COG3: variants seen among roughly 807,000 people sequenced by gnomAD.
The protein encoded by COG3 is component of oligomeric golgi complex 3, also known as conserved oligomeric Golgi complex subunit 3.
Under a neutral mutation model 114.1 loss-of-function variants are expected in COG3, and 32 were observed. The observed-to-expected ratio is 0.28, with a 90% CI of 0.21 to 0.38. The LOEUF (loss-of-function observed/expected upper bound fraction) is 0.38. Ranked by LOEUF, COG3 falls within the 10% of genes least tolerant of loss-of-function variation. The probability of loss-of-function intolerance (pLI) is 1.00; values close to 1 mark genes in which losing one functional copy is unlikely to be tolerated. For synonymous variants in COG3, 352 were observed against 365.7 expected, an observed-to-expected ratio of 0.96 and a Z score of 0.43; for missense variants, 813 against 973.2, an observed-to-expected ratio of 0.84 and a Z score of 2.19.
rs115348011 is a variant in COG3, at chr13:45,507,091, C to T, written c.1595-2601C>T. Among the ~76,000 whole-genome samples, 1,370 of 152,202 alleles carry T rather than the reference C, an allele frequency of 9.0e-3. 21 individuals carry two copies. The highest frequency in any genetic ancestry group is 0.031 in the African/African-American group (1,269 of 41,518). ...GCACTTGGCTTTTGAGGGTTTGCCC[C>T]GGTGAACTAGTATTAGTTACATAGG... On this transcript the variant is annotated intron_variant, in intron 14 of 22. Coordinates refer to ENST00000349995, the MANE Select transcript of COG3 (RefSeq NM_031431.4).
At chr13:45,523,039 T>G (rs886549675) in intron 19 of COG3, among the ~76,000 whole-genome samples, 2 of 152,226 alleles carry the variant, frequency 1.3e-5, no homozygotes, top group African/African-American at 4.8e-5. Context: ...AAATGTTATT[T>G]TGTAGTACAG....
Position 45,518,800 on chromosome 13 carries a change from A to G in COG3, c.1969A>G (p.Arg657Gly). The change falls in exon 18 of 23, where the codon AGA (arginine) becomes GGA (glycine). Residue 657 changes from arginine to glycine, a missense_variant. Transcript: ENST00000349995. ...AATCCTGAACCCTATGACTGTCCCA[A>G]GATTTTTTAGGCTGAATAGCAACAA... ...FKILNPMTVP[R>G]FFRLNSNNAL... 2 of 1,614,090 alleles carry G rather than the reference A, an allele frequency of 1.2e-6. No homozygotes were observed. The highest frequency in any genetic ancestry group is 1.7e-6 in the Non-Finnish European group (2 of 1,179,970).
Position 45,493,399 on chromosome 13 carries a change from A to G in COG3, c.1240A>G (p.Ile414Val). Residue 414 changes from isoleucine to valine, a missense_variant, in exon 12 of 23, where the codon ATC (isoleucine) becomes GTC (valine). Ile to Val is a conservative substitution (Grantham distance 29, BLOSUM62 3). Transcript: ENST00000349995. ...VSLYDVFRPL[I>V]IHVIHLETLS... ...ATTGTATGATGTCTTCAGGCCATTG[A>G]TCATTCATGTTATTCACTTAGAGAC... The G allele has an allele frequency of 6.2e-7, 1 of 1,613,470 alleles. No homozygotes were observed. The highest frequency in any genetic ancestry group is 1.1e-5 in the South Asian group (1 of 91,048).
Position 45,492,239 on chromosome 13 carries a change from A to G in COG3, c.1176A>G (p.Thr392=). The G allele has an allele frequency of 6.2e-7, 1 of 1,600,704 alleles. No individual in the cohort carries two copies. The highest frequency in any genetic ancestry group is 1.1e-5 in the South Asian group (1 of 89,926). ...ACAATGAATTTTTCACAAAACCAACATCAAAATTAGAGTAGGTGGACATGG... is the reference window on the plus strand; with the variant it reads ...ACAATGAATTTTTCACAAAACCAACGTCAAAATTAGAGTAGGTGGACATGG... ...QLYNEFFTKP[T]SKLDELLEKL... is the part of the protein sequence containing the mutation. The change falls in exon 11 of 23, where the codon ACA becomes ACG. Residue 392 remains threonine, a synonymous_variant. Coordinates refer to ENST00000349995, the MANE Select transcript of COG3 (RefSeq NM_031431.4).
chr13:45,485,241 C>A (rs1229618871), intron 7 of COG3, among the ~76,000 whole-genome samples: 1 of 98,982 alleles, frequency 1.0e-5, no homozygotes, highest in Admixed American at 1.0e-4. Flanking sequence ...CTGACCCCCC[C>A]CACCTCCCTC....
rs1873506023 is a variant in COG3, at chr13:45,535,692, C to G, written c.*961C>G. 3.0e-6 allele frequency: 3 copies of G among 984,526 alleles called. No homozygotes were observed. Among genetic ancestry groups the G allele is most frequent in the Non-Finnish European group, 3.6e-6 (3 of 829,754 alleles). 61.0% of individuals were successfully genotyped at this position (984,526 alleles called of 1,614,324 possible). On this transcript the variant is annotated 3_prime_UTR_variant, in exon 23 of 23. Transcript: ENST00000349995. ...TGCTGTGGACCAGCTGTGTGGATCTCTAGCCCAGCTACAGCAGAATACATT... is the reference window on the plus strand; with the variant it reads ...TGCTGTGGACCAGCTGTGTGGATCTGTAGCCCAGCTACAGCAGAATACATT...
At chr13:45,531,980 T>C (rs995525439) in intron 22 of COG3, 1 of 152,198 alleles carries the variant, frequency 6.6e-6, no homozygotes, top group Non-Finnish European at 1.5e-5. Flanking sequence ...CTCACCACTA[T>C]CTAATTAGAA....
rs148742131 is a variant in COG3, at chr13:45,469,232, C to G, written c.174+4022C>G. Among the ~76,000 whole-genome samples, 685 of 152,232 alleles carry G rather than the reference C, an allele frequency of 4.5e-3. 1 individual carries two copies. The highest frequency in any genetic ancestry group is 0.016 in the African/African-American group (662 of 41,536). ...AAATTTAGAATATATTTACTCACAT[C>G]TAGGTTACAGAACATATCTGGAATA... On this transcript the variant is annotated intron_variant, in intron 1 of 22. Transcript: ENST00000349995.
rs376394475 is a variant in COG3 at position 45,488,126 on chromosome 13, A to G, written c.924+1551A>G. ...TAAGTTAGTAAAATAAGCCAGATAC[A>G]GAAAGACAAATATTGTATGTTTTCA... On this transcript the variant is annotated intron_variant, in intron 8 of 22. Coordinates refer to ENST00000349995, the MANE Select transcript of COG3 (RefSeq NM_031431.4). Among the ~76,000 whole-genome samples the G allele has an allele frequency of 5.3e-5, 8 of 152,376 alleles. No homozygotes were observed. The East Asian group carries it at 1.2e-3, about 22-fold the overall frequency.
chr13:45,486,995 G>A (rs2137818040), intron 8 of COG3, among the ~76,000 whole-genome samples: 1 of 152,314 alleles, frequency 6.6e-6, no homozygotes, highest in South Asian at 2.1e-4. Flanking sequence ...GCTAATTTAG[G>A]AAAAGTAGAG....
At chr13:45,465,301 C>T (rs1885064442) in intron 1 of COG3, 91 bp downstream of exon 1, 9 of 1,505,670 alleles carry the variant, frequency 6.0e-6, no homozygotes, top group Non-Finnish European at 8.0e-6. Context: ...TAGCCTCTGC[C>T]CAGGATATCT....
At chr13:45,530,159 A>G (rs894335088) in intron 21 of COG3, among the ~76,000 whole-genome samples, 2 of 152,208 alleles carry the variant, frequency 1.3e-5, no homozygotes, top group African/African-American at 4.8e-5. Context: ...AAATTAGTAA[A>G]TAAACCAAAA....
At chr13:45,488,124 A>G (rs1265434177) in intron 8 of COG3, among the ~76,000 whole-genome samples, 5 of 152,246 alleles carry the variant, frequency 3.3e-5, no homozygotes, top group Admixed American at 3.3e-4. Flanking sequence ...TAAGCCAGAT[A>G]CAGAAAGACA....
At chr13:45,532,691 T>A (rs1310061489) in intron 22 of COG3, among the ~76,000 whole-genome samples, 1 of 149,454 alleles carries the variant, frequency 6.7e-6, no homozygotes, top group East Asian at 2.0e-4. Flanking sequence ...TGCCTCAGCC[T>A]CCCAAGTAGC....
At chr13:45,532,422 C>T (rs1311437219) in intron 22 of COG3, among the ~76,000 whole-genome samples, 17 of 151,818 alleles carry the variant, frequency 1.1e-4, no homozygotes, top group Admixed American at 1.1e-3. Flanking sequence ...ATATAAAATA[C>T]TTGCATGGTT....
chr13:45,521,060 C>G (rs1447126224), intron 19 of COG3, among the ~76,000 whole-genome samples: 2 of 152,114 alleles, frequency 1.3e-5, no homozygotes, highest in Non-Finnish European at 1.5e-5. Flanking sequence ...TACACGTGCC[C>G]ATAGTCTTAG....
rs2137919287 is a variant in COG3 at position 45,525,448 on chromosome 13, T to C, written c.2230+397T>C. Reference sequence around the variant, plus strand: ...ATGAAGAAATGTTGGGCCACTATTTTGTTCCACATTTTGTCCAAGTTATCC... The same window carrying C: ...ATGAAGAAATGTTGGGCCACTATTTCGTTCCACATTTTGTCCAAGTTATCC... On this transcript the variant is annotated intron_variant, in intron 20 of 22. Transcript: ENST00000349995. Among the ~76,000 whole-genome samples, 4 of 152,266 alleles carry C rather than the reference T, an allele frequency of 2.6e-5. No homozygotes were observed. The South Asian group carries it at 8.3e-4, about 32-fold the overall frequency.
At chr13:45,490,885 T>C (rs1337545218) in intron 8 of COG3, 30 bp from the exon 9 acceptor site, 1 of 1,453,248 alleles carries the variant, frequency 6.9e-7, no homozygotes, top group African/African-American at 1.4e-5. Flanking sequence ...ACAGAGATGG[T>C]TTTTTGATGC....
intron 19 of COG3, among the ~76,000 whole-genome samples, chr13:45,524,030 C>T (rs1463455835): frequency 6.6e-6 from 1 of 151,952 alleles, no homozygotes; most frequent in Non-Finnish European, 1.5e-5. Flanking sequence ...GAGCAAAGGC[C>T]TAGAGTGGTC....
Sources: allele counts gnomAD v4.1 joint callset (sites outside exome capture counted in the v4.1 genomes callset), GRCh38; gene constraint gnomAD v4.1.1; transcripts MANE v1.5; gene names NCBI Gene and HGNC (gene_info 2026-07-23, HGNC 2026-07-21).